The following GALNT9 variants were observed in gnomAD, a reference collection of about 807,000 sequenced individuals.
GALNT9 encodes polypeptide N-acetylgalactosaminyltransferase 9.
In GALNT9, 47 loss-of-function variants were observed where a neutral mutation model predicts 63.1. The observed-to-expected ratio is 0.75, with a 90% CI of 0.59 to 0.95. The LOEUF is 0.95. Ranked by LOEUF, GALNT9 falls within the 40% of genes least tolerant of loss-of-function variation. The pLI is 0.00. For missense variants in GALNT9, 829 were observed against 874.8 expected, an observed-to-expected ratio of 0.95 and a Z score of 0.66; for synonymous variants, 396 against 365.7, an observed-to-expected ratio of 1.08 and a Z score of -0.94.
At chr12:132,304,621 A>G (rs1555244357) in intron 1 of GALNT9, among the ~76,000 whole-genome samples, 3 of 34,814 alleles carry the variant, frequency 8.6e-5, no homozygotes, top group Non-Finnish European at 1.5e-4. Context: ...ACCCGGGCAC[A>G]GCCTCACCGG....
In GALNT9 at chr12:132,301,629, C is replaced by T. The variant is rs1377199383; in HGVS notation, c.239-15199G>A. 6.6e-5 allele frequency among the ~76,000 whole-genome samples: 10 copies of T among 152,234 alleles called. 1 individual carries two copies. The East Asian group carries it at 1.3e-3, about 21-fold the overall frequency. ...TGGTGGCCGCGGAAAAGGAACATGC[C>T]ATGTGGACACATTCAGGTTGAACCA... On this transcript the variant is annotated intron_variant, in intron 1 of 10. Coordinates refer to ENST00000328957, the MANE Select transcript of GALNT9 (RefSeq NM_001122636.2).
chr12:132,224,525 C>T (rs1321874645), intron 6 of GALNT9, among the ~76,000 whole-genome samples: 1 of 133,322 alleles, frequency 7.5e-6, no homozygotes, highest in East Asian at 2.3e-4. Flanking sequence ...ACACCCCACA[C>T]ACCCCACATA....
In GALNT9 at chr12:132,203,495, G is replaced by C; in HGVS notation, c.1263+10C>G. 2 of 1,613,198 alleles carry C rather than the reference G, an allele frequency of 1.2e-6. No individual in the cohort carries two copies. The highest frequency in any genetic ancestry group is 1.7e-6 in the Non-Finnish European group (2 of 1,179,426). On this transcript the variant is annotated intron_variant, in intron 7 of 10. Transcript: ENST00000328957. ...GCATGGCCCCGGCTCCCGGCCTGTG[G>C]GGGACTCACCGACATGGGGATGTTC...
intron 1 of GALNT9, among the ~76,000 whole-genome samples, chr12:132,306,374 G>A (rs1350329377): frequency 2.6e-5 from 4 of 152,254 alleles, no homozygotes; most frequent in Admixed American, 6.5e-5. Flanking sequence ...CCTGGCTCCA[G>A]GGCCCTGGCC....
At chr12:132,307,450 C>T (rs1566020728) in intron 1 of GALNT9, among the ~76,000 whole-genome samples, 1 of 152,210 alleles carries the variant, frequency 6.6e-6, no homozygotes, top group East Asian at 1.9e-4. Context: ...GTCAAAGGGA[C>T]TTTACAGACG....
chr12:132,249,187 C>T (rs1487369308), intron 5 of GALNT9, among the ~76,000 whole-genome samples: 3 of 152,228 alleles, frequency 2.0e-5, no homozygotes, highest in East Asian at 1.9e-4. Flanking sequence ...TTTCCTTGTC[C>T]GTGGAGAGCT....
intron 5 of GALNT9, 133 bp downstream of exon 5, chr12:132,257,556 C>A: frequency 1.7e-6 from 1 of 592,726 alleles, no homozygotes; most frequent in Non-Finnish European, 3.0e-6. Flanking sequence ...CGTCCCCACG[C>A]CCTCGTCCCC....
rs1475185060 is a variant in GALNT9 at position 132,296,399 on chromosome 12, T to C, written c.239-9969A>G. Among the ~76,000 whole-genome samples the C allele has an allele frequency of 6.6e-6, 1 of 152,234 alleles. No homozygotes were observed. Among genetic ancestry groups the C allele is most frequent in the Non-Finnish European group, 1.5e-5 (1 of 68,026 alleles). ...CCACTGATGGCCCAGCTGTGGGCTC[T>C]TCCCCGGATCTCATGGGTGTCTTCC... On this transcript the variant is annotated intron_variant, in intron 1 of 10. Transcript: ENST00000328957. The surrounding 1 kb of genome is among the most constrained non-coding windows in gnomAD (Gnocchi z 4.2).
At chr12:132,314,967 C>T (rs1204436905) in intron 1 of GALNT9, among the ~76,000 whole-genome samples, 1 of 152,196 alleles carries the variant, frequency 6.6e-6, no homozygotes, top group Non-Finnish European at 1.5e-5. Context: ...GACCGGGTGC[C>T]GGGCGCTGCT....
In GALNT9 at chr12:132,282,639, A is replaced by G. The variant is rs1880407432; in HGVS notation, c.419+3611T>C. Among the ~76,000 whole-genome samples the G allele has an allele frequency of 6.6e-6, 1 of 150,804 alleles. No individual in the cohort carries two copies. The highest frequency in any genetic ancestry group is 1.5e-5 in the Non-Finnish European group (1 of 67,758). ...TCCCCCAGCTCCCAGCCTTGGTTTC[A>G]TCTTGTGGGAAAAGGCTGCCTGTTT... On this transcript the variant is annotated intron_variant, in intron 2 of 10. Transcript: ENST00000328957. This position sits in a 1 kb window ranked among gnomAD's most constrained non-coding sequence, Gnocchi z 4.5.
intron 2 of GALNT9, among the ~76,000 whole-genome samples, chr12:132,262,981 G>A (rs782209706): frequency 1.3e-5 from 2 of 151,358 alleles, no homozygotes; most frequent in Non-Finnish European, 3.0e-5. Flanking sequence ...TGCCCACCCC[G>A]TGCTCACAGC....
At chr12:132,226,595 CCA>C (rs1264988455) in intron 6 of GALNT9, among the ~76,000 whole-genome samples, 47 of 137,254 alleles carry the variant, frequency 3.4e-4, no homozygotes, top group African/African-American at 8.3e-4. Context: ...CACATACACA[CCA>C]CACACCCCAC....
intron 6 of GALNT9, among the ~76,000 whole-genome samples, chr12:132,225,199 C>A (rs1266271673): frequency 4.1e-5 from 6 of 145,944 alleles, no homozygotes; most frequent in African/African-American, 1.5e-4. Flanking sequence ...CATACACANC[C>A]CACACACATA....
chr12:132,207,660 T>C (rs1593470010), intron 6 of GALNT9, among the ~76,000 whole-genome samples: 1 of 152,024 alleles, frequency 6.6e-6, no homozygotes, highest in Admixed American at 6.5e-5. Flanking sequence ...TCGGCCAACT[T>C]CCATCATTAG....
At chr12:132,259,474 T>A (rs1474559305) in intron 4 of GALNT9, among the ~76,000 whole-genome samples, 1 of 152,130 alleles carries the variant, frequency 6.6e-6, no homozygotes, top group Non-Finnish European at 1.5e-5. Flanking sequence ...GAAAGCGCCC[T>A]GCGGAGGAGC....
intron 1 of GALNT9, among the ~76,000 whole-genome samples, chr12:132,320,921 G>A (rs185546457): frequency 1.4e-3 from 218 of 152,316 alleles, no homozygotes; most frequent in African/African-American, 3.5e-3. Context: ...TGCAGGGGTC[G>A]TGTGACCGGC....
chr12:132,322,631 C>A (rs955907538), intron 1 of GALNT9, among the ~76,000 whole-genome samples: 1 of 152,172 alleles, frequency 6.6e-6, no homozygotes, highest in Non-Finnish European at 1.5e-5. Context: ...ACTTCCAGAA[C>A]GTAGGAAGCA....
At chr12:132,324,843 G>C (rs1868967195) in intron 1 of GALNT9, among the ~76,000 whole-genome samples, 1 of 152,162 alleles carries the variant, frequency 6.6e-6, no homozygotes. Context: ...TTAAAGGTCT[G>C]GGACCCCACT....
chr12:132,247,642 C>A (rs1011660318), intron 6 of GALNT9: 1 of 592,824 alleles, frequency 1.7e-6, no homozygotes, highest in Non-Finnish European at 3.1e-6. Context: ...TCCCCAGACG[C>A]CATGGCCGCA....
Sources: allele counts gnomAD v4.1 joint callset (sites outside exome capture counted in the v4.1 genomes callset), GRCh38; gene constraint gnomAD v4.1.1; non-coding constraint Gnocchi (gnomAD v3.1); transcripts MANE v1.5; gene names NCBI Gene and HGNC (gene_info 2026-07-23, HGNC 2026-07-21).